Variants in HECW2 observed in about 807,000 individuals in gnomAD.
The protein encoded by HECW2 is E3 ubiquitin-protein ligase HECW2.
Under a neutral mutation model 175.2 loss-of-function variants are expected in HECW2, and 61 were observed. The ratio of observed to expected loss-of-function variants is 0.35; its 90% CI spans 0.28 to 0.43. The LOEUF (loss-of-function observed/expected upper bound fraction) is 0.43, where lower values mean the gene tolerates loss of function less well. HECW2 is among the 20% of genes least tolerant of loss of function. The pLI is 1.00. For synonymous variants in HECW2, 671 were observed against 731.0 expected (o/e 0.92, Z 1.32); for missense variants, 1,524 against 2,000.5 (o/e 0.76, Z 4.54).
At chr2:196,381,457 C>T (rs1439918980) in intron 2 of HECW2, among the ~76,000 whole-genome samples, 2 of 152,110 alleles carry the variant, frequency 1.3e-5, no homozygotes, top group Admixed American at 1.3e-4. Context: ...TACCCAAAAT[C>T]AACCAACAGT....
intron 25 of HECW2, 84 bp from the exon 26 acceptor site, chr2:196,220,237 T>C (rs1245914643): frequency 4.5e-6 from 4 of 886,510 alleles, no homozygotes; most frequent in East Asian, 2.4e-5. Context: ...AGGGGACACA[T>C]GGAGTTTCAG....
intron 3 of HECW2, among the ~76,000 whole-genome samples, chr2:196,335,067 T>C (rs568810560): frequency 6.6e-6 from 1 of 152,314 alleles, no homozygotes; most frequent in African/African-American, 2.4e-5. Context: ...CATGGAAGTA[T>C]ACTGTAGTAG....
In HECW2 at chr2:196,201,243, G is replaced by T; in HGVS notation, c.*34C>A. ...CTTCTAGAAGGCAGCTTCTGAACCT[G>T]CCTGTCCACAGAGATGGGCATTCAG... On this transcript the variant is annotated 3_prime_UTR_variant, in exon 29 of 29. Transcript: ENST00000644978. 7.4e-7 allele frequency: 1 copy of T among 1,356,912 alleles called. No homozygotes were observed. The highest frequency in any genetic ancestry group is 1.1e-6 in the Non-Finnish European group (1 of 945,642). 84.1% of individuals were successfully genotyped at this position (1,356,912 alleles called of 1,614,324 possible). A position where few individuals can be genotyped will look rare whatever the true frequency, so the allele number is the denominator to read the frequency against.
chr2:196,566,652 C>T (rs1020262121), intron 1 of HECW2, among the ~76,000 whole-genome samples: 2 of 150,732 alleles, frequency 1.3e-5, no homozygotes, highest in Non-Finnish European at 3.0e-5. Context: ...CCTGCCTCAG[C>T]CTCCTGAGTA....
At chr2:196,222,436 T>G in intron 23 of HECW2, 96 bp from the exon 24 acceptor site, 3 of 1,145,730 alleles carry the variant, frequency 2.6e-6, no homozygotes, top group East Asian at 2.5e-5. Context: ...AAGAGAAGAA[T>G]AAGAGCCACT....
chr2:196,458,520 C>A (rs1301550228), intron 1 of HECW2, among the ~76,000 whole-genome samples: 1 of 151,980 alleles, frequency 6.6e-6, no homozygotes, highest in African/African-American at 2.4e-5. Context: ...TGAGGCAAAT[C>A]ATACAAGACT....
chr2:196,586,949 T>C (rs1232735587), intron 1 of HECW2, among the ~76,000 whole-genome samples: 2 of 151,924 alleles, frequency 1.3e-5, no homozygotes, highest in Non-Finnish European at 2.9e-5. Context: ...ACTCCACTGA[T>C]ATTATGCCAC....
At chr2:196,477,326 C>T (rs1686674277) in intron 1 of HECW2, among the ~76,000 whole-genome samples, 1 of 152,132 alleles carries the variant, frequency 6.6e-6, no homozygotes, top group South Asian at 2.1e-4. Context: ...CAAATTGCTG[C>T]CATTAAAAAA....
chr2:196,457,840 T>C (rs550878186), intron 1 of HECW2, among the ~76,000 whole-genome samples: 2 of 152,332 alleles, frequency 1.3e-5, no homozygotes, highest in East Asian at 1.9e-4. Flanking sequence ...AAGCATTATA[T>C]ACACAAGCAC....
chr2:196,321,219 G>T (rs934076606), intron 7 of HECW2, among the ~76,000 whole-genome samples: 1 of 152,172 alleles, frequency 6.6e-6, no homozygotes, highest in Non-Finnish European at 1.5e-5. Context: ...CTGGAAGCAG[G>T]TTTAGTTTTT....
intron 2 of HECW2, among the ~76,000 whole-genome samples, chr2:196,422,989 G>T (rs6718016): frequency 0.26 from 38,982 of 151,838 alleles, 5,404 homozygotes; most frequent in African/African-American, 0.35. Context: ...GTATTATTTA[G>T]CATTCACATT....
At chr2:196,562,507 G>A (rs1690038166) in intron 1 of HECW2, among the ~76,000 whole-genome samples, 1 of 152,202 alleles carries the variant, frequency 6.6e-6, no homozygotes, top group Non-Finnish European at 1.5e-5. Flanking sequence ...GACAGGTAAA[G>A]TGGATACAGA....
At chr2:196,219,495 T>A (rs1687590132) in intron 26 of HECW2, among the ~76,000 whole-genome samples, 1 of 152,240 alleles carries the variant, frequency 6.6e-6, no homozygotes, top group African/African-American at 2.4e-5. Flanking sequence ...TTTTAATTAA[T>A]CTTACTACAG....
chr2:196,462,314 A>G (rs1438125821), intron 1 of HECW2, among the ~76,000 whole-genome samples: 3 of 152,230 alleles, frequency 2.0e-5, no homozygotes, highest in East Asian at 1.9e-4. Context: ...GATATGTGCA[A>G]TAAATTGACC....
At chr2:196,261,308 TA>T (rs1689283098) in intron 17 of HECW2, among the ~76,000 whole-genome samples, 1 of 152,216 alleles carries the variant, frequency 6.6e-6, no homozygotes, top group African/African-American at 2.4e-5. Context: ...AAATAATGCA[TA>T]AAAGATATCC....
chr2:196,279,789 C>G (rs117066598), intron 14 of HECW2, among the ~76,000 whole-genome samples: 2 of 152,218 alleles, frequency 1.3e-5, no homozygotes, highest in African/African-American at 4.8e-5. Flanking sequence ...CTTAAGTTCT[C>G]TGAGCTATAT....
chr2:196,351,128 A>G (rs2105852885), intron 2 of HECW2, among the ~76,000 whole-genome samples: 1 of 152,314 alleles, frequency 6.6e-6, no homozygotes, highest in African/African-American at 2.4e-5. Flanking sequence ...AAAGTTGATA[A>G]TTATATTAAC....
chr2:196,430,117 A>G (rs1354186936), intron 2 of HECW2, among the ~76,000 whole-genome samples: 1 of 152,198 alleles, frequency 6.6e-6, no homozygotes, highest in East Asian at 1.9e-4. Flanking sequence ...GGCCTACCAT[A>G]CACTGATTTT....
chr2:196,457,283 C>T (rs981540471), intron 1 of HECW2, among the ~76,000 whole-genome samples: 4 of 152,214 alleles, frequency 2.6e-5, no homozygotes, highest in African/African-American at 4.8e-5. Context: ...GAGAGAATCT[C>T]GCCTGATCCA....
Sources: allele counts gnomAD v4.1 joint callset (sites outside exome capture counted in the v4.1 genomes callset), GRCh38; gene constraint gnomAD v4.1.1; transcripts MANE v1.5; gene names NCBI Gene and HGNC (gene_info 2026-07-23, HGNC 2026-07-21).